NEGR1: variants seen among roughly 807,000 people sequenced by gnomAD.
The protein encoded by NEGR1 is IgLON family member 4.
In NEGR1, 10 loss-of-function variants were observed where a neutral mutation model predicts 40.9. That is an observed-to-expected ratio of 0.24 (90% CI 0.15 to 0.42). NEGR1 has a LOEUF of 0.42. NEGR1 is among the 10% of genes least tolerant of loss of function. The pLI, the probability that NEGR1 is intolerant of heterozygous loss-of-function variation, is 1.00. For synonymous variants in NEGR1, 185 were observed against 166.8 expected, an observed-to-expected ratio of 1.11 and a Z score of -0.84; for missense variants, 352 against 438.9, an observed-to-expected ratio of 0.80 and a Z score of 1.77.
intron 3 of NEGR1, among the ~76,000 whole-genome samples, chr1:71,740,619 T>A (rs12037107): frequency 0.089 from 13,476 of 152,150 alleles, 825 homozygotes; most frequent in East Asian, 0.17. Context: ...TATTCAGCTA[T>A]AATGTAATTT....
At chr1:71,610,061 GC>G (rs1650204874) in intron 5 of NEGR1, among the ~76,000 whole-genome samples, 1 of 152,158 alleles carries the variant, frequency 6.6e-6, no homozygotes, top group Admixed American at 6.5e-5. Context: ...GACCTCCCCA[GC>G]CATGTGGAAC....
chr1:71,684,032 A>ATC (rs1364179638), intron 4 of NEGR1, among the ~76,000 whole-genome samples: 2 of 152,126 alleles, frequency 1.3e-5, no homozygotes, highest in African/African-American at 4.8e-5. Context: ...GTACTTTGGG[A>ATC]TGCCCAGGCG....
intron 3 of NEGR1, among the ~76,000 whole-genome samples, chr1:71,769,337 T>C (rs1656238624): frequency 6.6e-6 from 1 of 152,176 alleles, no homozygotes; most frequent in South Asian, 2.1e-4. Flanking sequence ...TGAGCAGCTA[T>C]GTGAATTACA....
intron 6 of NEGR1, among the ~76,000 whole-genome samples, chr1:71,441,076 G>T (rs992146268): frequency 6.6e-6 from 1 of 152,234 alleles, no homozygotes; most frequent in Admixed American, 6.5e-5. Context: ...TTCAAGGCAC[G>T]TCCAGCTGAA....
intron 2 of NEGR1, among the ~76,000 whole-genome samples, chr1:71,875,052 G>T (rs1395253912): frequency 6.6e-6 from 1 of 151,914 alleles, no homozygotes; most frequent in African/African-American, 2.4e-5. Context: ...TTGCCATGTT[G>T]CCCAGGCTGG....
At chr1:71,533,865 C>A (rs1264600784) in intron 6 of NEGR1, among the ~76,000 whole-genome samples, 2 of 151,576 alleles carry the variant, frequency 1.3e-5, no homozygotes, top group Non-Finnish European at 3.0e-5. Flanking sequence ...AAAGCAAATA[C>A]CAGAAAAACA....
chr1:72,165,393 G>A (rs1224878090), intron 1 of NEGR1, among the ~76,000 whole-genome samples: 1 of 151,912 alleles, frequency 6.6e-6, no homozygotes, highest in East Asian at 1.9e-4. Context: ...CCAGAAAGAG[G>A]ATATGCACAA....
At chr1:71,881,666 T>G (rs1406106934) in intron 2 of NEGR1, among the ~76,000 whole-genome samples, 1 of 152,134 alleles carries the variant, frequency 6.6e-6, no homozygotes, top group Non-Finnish European at 1.5e-5. Flanking sequence ...TATGAAAATG[T>G]ACATAGGAAA....
intron 5 of NEGR1, among the ~76,000 whole-genome samples, chr1:71,595,634 T>A (rs987252283): frequency 1.3e-5 from 2 of 152,092 alleles, no homozygotes; most frequent in Non-Finnish European, 2.9e-5. Context: ...GCTGGCTGAG[T>A]GACTAGGGAC....
intron 6 of NEGR1, among the ~76,000 whole-genome samples, chr1:71,419,443 A>G (rs370391764): frequency 7.2e-5 from 11 of 152,286 alleles, no homozygotes; most frequent in African/African-American, 2.6e-4. Context: ...TAATTCTCTC[A>G]GTTAGTGTCA....
At chr1:71,887,893 T>G (rs953296674) in intron 2 of NEGR1, among the ~76,000 whole-genome samples, 2 of 151,882 alleles carry the variant, frequency 1.3e-5, no homozygotes, top group African/African-American at 4.8e-5. Context: ...TAATCTCCCC[T>G]ACCCCCACCT....
intron 1 of NEGR1, among the ~76,000 whole-genome samples, chr1:72,091,398 CCCTT>C (rs576574223): frequency 1.9e-4 from 27 of 138,698 alleles, no homozygotes; most frequent in African/African-American, 7.2e-4. Context: ...CTCCCTCCCT[CCCTT>C]CCTCCCTTCC....
chr1:71,970,284 C>T (rs942159341), intron 1 of NEGR1, among the ~76,000 whole-genome samples: 1 of 152,064 alleles, frequency 6.6e-6, no homozygotes, highest in South Asian at 2.1e-4. Context: ...GGGCCAGATC[C>T]TGGTGGGCCC....
At chr1:72,253,609 T>C (rs1175364560) in intron 1 of NEGR1, among the ~76,000 whole-genome samples, 1 of 152,140 alleles carries the variant, frequency 6.6e-6, no homozygotes, top group Non-Finnish European at 1.5e-5. Context: ...CAGAAAGTGA[T>C]AAATGCTGGA....
chr1:71,944,947 A>C (rs970494364), intron 1 of NEGR1, among the ~76,000 whole-genome samples: 10 of 152,182 alleles, frequency 6.6e-5, no homozygotes, highest in African/African-American at 2.4e-4. Flanking sequence ...ATGCCTTAAA[A>C]TATAAATTAA....
chr1:71,489,431 T>A (rs1020533723), intron 6 of NEGR1, among the ~76,000 whole-genome samples: 1 of 151,916 alleles, frequency 6.6e-6, no homozygotes, highest in African/African-American at 2.4e-5. Flanking sequence ...AGTTTTCTAA[T>A]AAATCCCGTT....
intron 6 of NEGR1, among the ~76,000 whole-genome samples, chr1:71,498,285 A>G (rs1646978043): frequency 6.6e-6 from 1 of 151,912 alleles, no homozygotes; most frequent in Non-Finnish European, 1.5e-5. Flanking sequence ...TGGTGTAGTA[A>G]GGATTCTGCA....
chr1:72,146,968 A>G (rs1469537764), intron 1 of NEGR1, among the ~76,000 whole-genome samples: 1 of 152,156 alleles, frequency 6.6e-6, no homozygotes, highest in Non-Finnish European at 1.5e-5. Flanking sequence ...CATAGGGACT[A>G]TATTCTCTTC....
At chr1:71,508,620 T>C (rs954106643) in intron 6 of NEGR1, among the ~76,000 whole-genome samples, 1 of 152,198 alleles carries the variant, frequency 6.6e-6, no homozygotes, top group Non-Finnish European at 1.5e-5. Context: ...GAGATAGCTC[T>C]GGCAGGCAGA....
Sources: gnomAD v4.1 joint callset for allele counts (sites outside exome capture counted in the v4.1 genomes callset) on GRCh38, gnomAD v4.1.1 for gene constraint, MANE v1.5 for transcripts, NCBI Gene and HGNC (gene_info 2026-07-23, HGNC 2026-07-21) for gene names.